Variants in TRABD2B observed in about 807,000 individuals in gnomAD.
The protein encoded by TRABD2B is TraB domain containing 2B, also known as metalloprotease TIKI2.
A neutral mutation model predicts 40.1 loss-of-function variants in TRABD2B; 14 were observed. The ratio of observed to expected loss-of-function variants is 0.35; its 90% CI spans 0.23 to 0.55. TRABD2B has a LOEUF of 0.55. TRABD2B is among the 20% of genes least tolerant of loss of function. The pLI, the probability that TRABD2B is intolerant of heterozygous loss-of-function variation, is 0.90. For synonymous variants in TRABD2B, 263 were observed against 277.0 expected (o/e 0.95, Z 0.50); for missense variants, 541 against 648.6 (o/e 0.83, Z 1.80).
chr1:47,806,123 C>T (rs748722714), intron 2 of TRABD2B, among the ~76,000 whole-genome samples: 86 of 152,356 alleles, frequency 5.6e-4, no homozygotes, highest in African/African-American at 7.0e-4. Flanking sequence ...AGGACTTCAG[C>T]GCGGTATGTG....
At chr1:47,928,857 C>T (rs1306034111) in intron 2 of TRABD2B, among the ~76,000 whole-genome samples, 1 of 152,180 alleles carries the variant, frequency 6.6e-6, no homozygotes, top group African/African-American at 2.4e-5. Flanking sequence ...CAAGGCCCAG[C>T]CTAAACATCA....
intron 2 of TRABD2B, among the ~76,000 whole-genome samples, chr1:47,916,164 T>G (rs1570280083): frequency 7.2e-6 from 1 of 138,432 alleles, no homozygotes. Flanking sequence ...GGGGGCGGGG[T>G]TTGAGGGGGA....
intron 2 of TRABD2B, among the ~76,000 whole-genome samples, chr1:47,926,336 C>T (rs1041071790): frequency 2.7e-4 from 41 of 152,156 alleles, no homozygotes; most frequent in African/African-American, 9.9e-4. Context: ...TCCAATAGTG[C>T]GTTCTATTGC....
intron 4 of TRABD2B, among the ~76,000 whole-genome samples, chr1:47,783,310 T>C (rs1644551321): frequency 6.8e-6 from 1 of 146,824 alleles, no homozygotes; most frequent in Non-Finnish European, 1.5e-5. Context: ...GACAAAGAGA[T>C]ACAAAGACAC....
intron 6 of TRABD2B, among the ~76,000 whole-genome samples, chr1:47,768,283 G>C (rs1309566719): frequency 6.6e-6 from 1 of 152,180 alleles, no homozygotes; most frequent in East Asian, 1.9e-4. Context: ...GTTCCACCCA[G>C]AGGATGCAGG....
intron 2 of TRABD2B, among the ~76,000 whole-genome samples, chr1:47,815,911 C>T (rs1429765050): frequency 6.6e-6 from 1 of 152,154 alleles, no homozygotes; most frequent in Non-Finnish European, 1.5e-5. Flanking sequence ...AGAGACCCAA[C>T]CACAGACTTA....
intron 2 of TRABD2B, among the ~76,000 whole-genome samples, chr1:47,950,006 C>T (rs999097206): frequency 1.3e-5 from 2 of 151,906 alleles, no homozygotes; most frequent in African/African-American, 2.4e-5. Flanking sequence ...GAGAGGTAGG[C>T]GGGGCACAGT....
intron 2 of TRABD2B, among the ~76,000 whole-genome samples, chr1:47,978,056 AC>A (rs1645784484): frequency 1.3e-5 from 2 of 151,780 alleles, no homozygotes; most frequent in East Asian, 3.9e-4. Flanking sequence ...TCCCTCCCCA[AC>A]CCCCAAATTT....
Position 47,764,224 on chromosome 1 carries a change from A to C in TRABD2B, c.*1678T>G, listed in dbSNP as rs903431716. On this transcript the variant is annotated 3_prime_UTR_variant, in exon 7 of 7. Transcript: ENST00000606738. ...TAAAGTTGGGGTGCACTGGGCTGGG[A>C]GTCAGCAGGCCCACCCGGCTGTGCA... 1 of 152,234 alleles carries C rather than the reference A, an allele frequency of 6.6e-6. No homozygotes were observed. The highest frequency in any genetic ancestry group is 1.5e-5 in the Non-Finnish European group (1 of 68,054). 9.4% of individuals were successfully genotyped at this position (152,234 alleles called of 1,614,324 possible).
intron 2 of TRABD2B, among the ~76,000 whole-genome samples, chr1:47,947,750 C>T (rs955215644): frequency 6.6e-6 from 1 of 152,200 alleles, no homozygotes; most frequent in Non-Finnish European, 1.5e-5. Flanking sequence ...CTGACATGCA[C>T]TAACACAGGA....
At chr1:47,948,262 G>A (rs1057469274) in intron 2 of TRABD2B, among the ~76,000 whole-genome samples, 1 of 144,030 alleles carries the variant, frequency 6.9e-6, no homozygotes, top group Non-Finnish European at 1.5e-5. Flanking sequence ...TGGCTTGCCA[G>A]GGATGTCCTT....
At chr1:47,834,094 T>G (rs1187406302) in intron 2 of TRABD2B, among the ~76,000 whole-genome samples, 1 of 152,140 alleles carries the variant, frequency 6.6e-6, no homozygotes, top group Non-Finnish European at 1.5e-5. Flanking sequence ...TCCTTCAAAA[T>G]CCCATTCCCA....
chr1:47,963,308 G>A (rs34103161), intron 2 of TRABD2B, among the ~76,000 whole-genome samples: 11,916 of 152,278 alleles, frequency 0.078, 628 homozygotes, highest in Non-Finnish European at 0.12. Flanking sequence ...ACAAGGCTTG[G>A]AAGTGCTCTG....
chr1:47,974,577 A>C (rs540761715), intron 2 of TRABD2B, among the ~76,000 whole-genome samples: 1 of 152,370 alleles, frequency 6.6e-6, no homozygotes, highest in African/African-American at 2.4e-5. Flanking sequence ...TAAAAGTTCC[A>C]TGCAGGAAAA....
intron 2 of TRABD2B, among the ~76,000 whole-genome samples, chr1:47,920,755 C>G (rs1644891428): frequency 1.3e-5 from 2 of 152,222 alleles, no homozygotes. Context: ...TTCTACAGTG[C>G]TGAGCACAGG....
At chr1:47,801,743 T>C in intron 2 of TRABD2B, 124 bp from the exon 3 acceptor site, 2 of 1,176,598 alleles carry the variant, frequency 1.7e-6, no homozygotes, top group South Asian at 3.3e-5. Flanking sequence ...TGTGTGGGGC[T>C]GGCACCAGCT....
At chr1:47,822,618 T>G (rs1261668320) in intron 2 of TRABD2B, among the ~76,000 whole-genome samples, 1 of 152,256 alleles carries the variant, frequency 6.6e-6, no homozygotes, top group East Asian at 1.9e-4. Context: ...CTGTGAAAGT[T>G]GGAGCTAACA....
intron 2 of TRABD2B, among the ~76,000 whole-genome samples, chr1:47,849,775 C>A (rs1027050689): frequency 5.3e-5 from 8 of 152,214 alleles, no homozygotes; most frequent in Admixed American, 3.9e-4. Flanking sequence ...CCCCTGAAGG[C>A]CAACGTGGCT....
At chr1:47,943,182 G>A (rs1487355459) in intron 2 of TRABD2B, among the ~76,000 whole-genome samples, 1 of 152,148 alleles carries the variant, frequency 6.6e-6, no homozygotes. Context: ...ACACGCACAC[G>A]CAATCCCCAC....
Sources: allele counts gnomAD v4.1 joint callset (sites outside exome capture counted in the v4.1 genomes callset), GRCh38; gene constraint gnomAD v4.1.1; transcripts MANE v1.5; gene names NCBI Gene and HGNC (gene_info 2026-07-23, HGNC 2026-07-21).